Variants in ARHGEF7 observed in about 807,000 individuals in gnomAD.
ARHGEF7 encodes PAK-interacting exchange factor beta.
In ARHGEF7, 33 loss-of-function variants were observed where a neutral mutation model predicts 109.8. That is an observed-to-expected ratio of 0.30 (90% confidence interval 0.23 to 0.40). ARHGEF7 has a LOEUF of 0.40. Among genes scored for constraint, ARHGEF7 ranks in the 10% least tolerant of loss-of-function variants. The probability of loss-of-function intolerance (pLI) is 1.00; values close to 1 mark genes in which losing one functional copy is unlikely to be tolerated. For synonymous variants in ARHGEF7, 458 were observed against 424.6 expected (o/e 1.08, Z -0.97); for missense variants, 938 against 1,098.5 (o/e 0.85, Z 2.07).
At chr13:111,154,240 T>A (rs988230012) in intron 2 of ARHGEF7, among the ~76,000 whole-genome samples, 7 of 152,188 alleles carry the variant, frequency 4.6e-5, no homozygotes, top group Non-Finnish European at 1.0e-4. Context: ...ATTGCTCTCG[T>A]TCCAGTGAGG....
intron 8 of ARHGEF7, among the ~76,000 whole-genome samples, chr13:111,249,089 C>T (rs1436338668): frequency 6.6e-6 from 1 of 152,162 alleles, no homozygotes; most frequent in Non-Finnish European, 1.5e-5. Context: ...GAGATTTGGG[C>T]AGAATTTAGA....
At chr13:111,194,520 C>T (rs971166017) in intron 2 of ARHGEF7, among the ~76,000 whole-genome samples, 1 of 152,194 alleles carries the variant, frequency 6.6e-6, no homozygotes, top group Non-Finnish European at 1.5e-5. Flanking sequence ...GGCCCTGGTC[C>T]GTCTGGCTAA....
At chr13:111,148,453 C>T (rs1261569038) in intron 1 of ARHGEF7, among the ~76,000 whole-genome samples, 1 of 152,196 alleles carries the variant, frequency 6.6e-6, no homozygotes, top group Non-Finnish European at 1.5e-5. Context: ...TGTACATGTA[C>T]AGAAATATTT....
chr13:111,228,402 T>G lies in ARHGEF7; in HGVS notation c.671-4803T>G, dbSNP rs987452079. On this transcript the variant is annotated intron_variant, in intron 5 of 21. Transcript: ENST00000646102. The surrounding 1 kb of genome is among the most constrained non-coding windows in gnomAD (Gnocchi z 4.6). ...AAAGCTCCCTTTGCTAACACTGAAG[T>G]GTTGGTGAGTGGAGATGACCTCATC... is the stretch of plus-strand genomic sequence containing the variant. Among the ~76,000 whole-genome samples, 1 of 152,172 alleles carries G rather than the reference T, an allele frequency of 6.6e-6. No homozygotes were observed. Among genetic ancestry groups the G allele is most frequent in the Non-Finnish European group, 1.5e-5 (1 of 68,028 alleles).
intron 2 of ARHGEF7, among the ~76,000 whole-genome samples, chr13:111,183,759 T>G (rs1181919638): frequency 6.6e-6 from 1 of 152,182 alleles, no homozygotes; most frequent in Non-Finnish European, 1.5e-5. Context: ...AATCCCAATT[T>G]TTGCTAATTG....
Position 111,145,044 on chromosome 13 carries a change from T to TA in ARHGEF7, c.166-8856dup, listed in dbSNP as rs397776017. Among the ~76,000 whole-genome samples, 1,516 of 151,164 alleles carry TA rather than the reference T, an allele frequency of 0.01. 9 individuals carry two copies. Among genetic ancestry groups the TA allele is most frequent in the South Asian group, 0.016 (75 of 4,768 alleles). ...ACATTTTCTTCTTGCTTTTTTTTTT[T>TA]AAAAACACAAAAGGTAGATATTATC... On this transcript the variant is annotated intron_variant, in intron 1 of 21. Transcript: ENST00000646102. The surrounding 1 kb of genome is among the most constrained non-coding windows in gnomAD (Gnocchi z 4.3).
intron 1 of ARHGEF7, among the ~76,000 whole-genome samples, chr13:111,152,544 G>T (rs2075946627): frequency 6.6e-6 from 1 of 152,238 alleles, no homozygotes; most frequent in South Asian, 2.1e-4. Flanking sequence ...ATCCCTTTTG[G>T]CATTGCTGAA....
Position 111,239,559 on chromosome 13 carries a change from C to T in ARHGEF7, c.760-4313C>T, listed in dbSNP as rs531078574. On this transcript the variant is annotated intron_variant, in intron 6 of 21. Transcript: ENST00000646102. The surrounding 1 kb of genome is among the most constrained non-coding windows in gnomAD (Gnocchi z 4.3). The stretch of plus-strand genomic sequence containing the variant: ...CTTCGTCTCTTCATCTTCTGCTTTG[C>T]CCTTGGCTTTTCTCCACCTCAATGA... 1.3e-5 allele frequency among the ~76,000 whole-genome samples: 2 copies of T among 152,248 alleles called. No individual in the cohort carries two copies. The highest frequency in any genetic ancestry group is 1.3e-4 in the Admixed American group (2 of 15,296).
At chr13:111,139,642 G>A (rs1176072145) in intron 1 of ARHGEF7, among the ~76,000 whole-genome samples, 1 of 152,228 alleles carries the variant, frequency 6.6e-6, no homozygotes, top group South Asian at 2.1e-4. Flanking sequence ...GGCAGACAGG[G>A]GCCTGATGTG....
chr13:111,242,130 C>T (rs945096429), intron 6 of ARHGEF7, among the ~76,000 whole-genome samples: 6 of 152,178 alleles, frequency 3.9e-5, no homozygotes, highest in Non-Finnish European at 5.9e-5. Context: ...CAGGGCCCCT[C>T]GCTCTGGCTC....
At chr13:111,155,895 G>A (rs2076282277) in intron 2 of ARHGEF7, among the ~76,000 whole-genome samples, 1 of 152,010 alleles carries the variant, frequency 6.6e-6, no homozygotes, top group Admixed American at 6.6e-5. Flanking sequence ...GGCCAACATG[G>A]TGAAACCCTG....
rs1229199015 is a variant in ARHGEF7, at chr13:111,266,998, T to C, written c.951-550T>C. On this transcript the variant is annotated intron_variant, in intron 8 of 21. Coordinates refer to ENST00000646102, the MANE Select transcript of ARHGEF7 (RefSeq NM_001354046.2). The surrounding 1 kb of genome is among the most constrained non-coding windows in gnomAD (Gnocchi z 4.8). ...CCCCTCATGCAGCTTCCAGTGCTGG[T>C]TCTGGTAGTCTCTTCCTCATTCTTT... 1 of 437,128 alleles carries C rather than the reference T, an allele frequency of 2.3e-6. No homozygotes were observed. Among genetic ancestry groups the C allele is most frequent in the South Asian group, 1.6e-5 (1 of 63,506 alleles). The allele number at this position is 437,128 out of a possible 1,614,324, so 27.1% of individuals were successfully genotyped here. A position where few individuals can be genotyped will look rare whatever the true frequency, so the allele number is the denominator to read the frequency against.
intron 8 of ARHGEF7, among the ~76,000 whole-genome samples, chr13:111,260,697 A>T (rs1004256271): frequency 1.3e-5 from 2 of 152,254 alleles, no homozygotes; most frequent in African/African-American, 4.8e-5. Context: ...AATAGTACTC[A>T]GAAGAATACA....
At chr13:111,256,203 A>C (rs564570310) in intron 8 of ARHGEF7, among the ~76,000 whole-genome samples, 269 of 152,354 alleles carry the variant, frequency 1.8e-3, no homozygotes, top group African/African-American at 6.2e-3. Context: ...AAACCAAAGA[A>C]GGCAGGAAGG....
In ARHGEF7 at chr13:111,305,421, A is replaced by G. The variant is rs1290973288; in HGVS notation, c.*2308A>G. The G allele has an allele frequency of 6.6e-6, 1 of 152,234 alleles. No individual in the cohort carries two copies. The highest frequency in any genetic ancestry group is 1.5e-5 in the Non-Finnish European group (1 of 68,048). The allele number at this position is 152,234 out of a possible 1,614,324, so 9.4% of individuals were successfully genotyped here. A position where few individuals can be genotyped will look rare whatever the true frequency, so the allele number is the denominator to read the frequency against. On this transcript the variant is annotated 3_prime_UTR_variant, in exon 22 of 22. Transcript: ENST00000646102. Reference sequence around the variant, plus strand: ...GGATGAGGAGATGAAGCCATTTCTTATCCTGTAGATGTGAAGCACTTTCAG... The same window carrying G: ...GGATGAGGAGATGAAGCCATTTCTTGTCCTGTAGATGTGAAGCACTTTCAG...
chr13:111,301,698 A>G (rs1253901807), intron 21 of ARHGEF7, among the ~76,000 whole-genome samples, 166 bp downstream of exon 21: 2 of 152,150 alleles, frequency 1.3e-5, no homozygotes, highest in Non-Finnish European at 2.9e-5. Flanking sequence ...TTCAAGACCA[A>G]CCTCACCAAC....
chr13:111,221,555 A>G (rs1256737734), intron 5 of ARHGEF7, among the ~76,000 whole-genome samples: 1 of 72,280 alleles, frequency 1.4e-5, no homozygotes, highest in African/African-American at 4.5e-5. Context: ...ACATATCTAT[A>G]TATCTATATA....
chr13:111,158,070 C>A (rs938691400), intron 2 of ARHGEF7, among the ~76,000 whole-genome samples: 1 of 152,106 alleles, frequency 6.6e-6, no homozygotes, highest in Non-Finnish European at 1.5e-5. Context: ...ACATTAATAA[C>A]GTGGTTTCAG....
chr13:111,166,260 C>G (rs1447980128), intron 2 of ARHGEF7, among the ~76,000 whole-genome samples: 1 of 152,080 alleles, frequency 6.6e-6, no homozygotes, highest in African/African-American at 2.4e-5. Flanking sequence ...AACCCATGAC[C>G]CTTGGAAGAG....
Sources: gnomAD v4.1 joint callset for allele counts (sites outside exome capture counted in the v4.1 genomes callset) on GRCh38, gnomAD v4.1.1 for gene constraint, Gnocchi (gnomAD v3.1) non-coding constraint, MANE v1.5 for transcripts, NCBI Gene and HGNC (gene_info 2026-07-23, HGNC 2026-07-21) for gene names.